TCHHL1: variants seen among roughly 807,000 people sequenced by gnomAD.
The protein encoded by TCHHL1 is trichohyalin-like protein 1.
Under a neutral mutation model 3.5 loss-of-function variants are expected in TCHHL1, and 1 was observed. The ratio of observed to expected loss-of-function variants is 0.29; its 90% CI spans 0.10 to 1.36. The LOEUF (loss-of-function observed/expected upper bound fraction) is 1.36. Ranked by LOEUF, TCHHL1 falls within the 40% of genes most tolerant of loss-of-function variation. The pLI is 0.43. For synonymous variants in TCHHL1, 405 were observed against 375.3 expected (o/e 1.08, Z -0.92); for missense variants, 1,027 against 1,032.8 (o/e 0.99, Z 0.08).
At position 152,085,419 on chromosome 1, in the gene TCHHL1, C is replaced by T. The variant is rs1370464477; in HGVS notation, c.2263G>A (p.Ala755Thr). ...EEEDESPQELAGEGGDQKSPA... is the reference protein window; with the variant it reads ...EEEDESPQELTGEGGDQKSPA... ...CTTTTTTGGTCACCACCTTCTCCTG[C>T]CAGCTCTTGGGGACTTTCATCTTCC... The change falls in exon 3 of 3, where the codon GCA becomes ACA. Residue 755 changes from alanine to threonine, a missense_variant. Ala to Thr is a moderately conservative substitution (Grantham distance 58). This residue lies in a region of TCHHL1 where 673 missense variants were observed against 658.6 expected (regional missense o/e 1.02). Transcript: ENST00000368806. The T allele has an allele frequency of 6.2e-7, 1 of 1,614,198 alleles. No individual in the cohort carries two copies. The highest frequency in any genetic ancestry group is 2.2e-5 in the East Asian group (1 of 44,874).
intron 1 of TCHHL1, 42 bp downstream of exon 1, chr1:152,088,978 C>T (rs1213820350): frequency 3.3e-5 from 5 of 152,070 alleles, no homozygotes; most frequent in Non-Finnish European, 5.9e-5. Flanking sequence ...ATAAGCAAAA[C>T]AGCAACTGAA....
chr1:152,085,757 C>A lies in TCHHL1; in HGVS notation c.1925G>T (p.Gly642Val), dbSNP rs1335432440. ...ATTGGGCTCCACAGCTGCACCTGGG[C>A]CTTTGGTCCCTGGGCCTTGATTCTT... ...EHKNQGPGTK[G>V]PGAAVEPNGH... The change falls in exon 3 of 3, where the codon GGC (glycine) becomes GTC (valine). Residue 642 changes from glycine to valine, a missense_variant. Physicochemically the swap from Gly to Val is moderately radical, Grantham distance 109 (BLOSUM62 -3). Around this residue, in one of 3 missense-constraint regions of TCHHL1, gnomAD observed 673 missense variants for 658.6 expected, o/e 1.02. Transcript: ENST00000368806. The A allele has an allele frequency of 6.2e-7, 1 of 1,614,164 alleles. No homozygotes were observed. Among genetic ancestry groups the A allele is most frequent in the East Asian group, 2.2e-5 (1 of 44,886 alleles).
At position 152,087,416 on chromosome 1, in the gene TCHHL1, T is replaced by C; in HGVS notation, c.266A>G (p.Lys89Arg). 6.2e-7 allele frequency: 1 copy of C among 1,612,092 alleles called. No individual in the cohort carries two copies. ...NLLNLCYLDI[K>R]SLLSSELRQV... ...TCTTAGTTCAGAACTTAGTAATGAT[T>C]TTATGTCAAGATAACAGAGGTTCAA... is the stretch of plus-strand genomic sequence containing the variant. Residue 89 changes from lysine (K) to arginine (R), a missense_variant, in exon 3 of 3, where the codon AAA becomes AGA. Lys to Arg is a conservative substitution (Grantham distance 26). This residue lies in a region of TCHHL1 where 338 missense variants were observed against 335.9 expected (regional missense o/e 1.01). Coordinates refer to ENST00000368806, the MANE Select transcript of TCHHL1 (RefSeq NM_001008536.2).
rs192816912 is a variant in TCHHL1 at position 152,088,435 on chromosome 1, C to A, written c.-20-272G>T. 7.1e-4 allele frequency among the ~76,000 whole-genome samples: 108 copies of A among 152,234 alleles called. 1 individual carries two copies. The highest frequency in any genetic ancestry group is 2.2e-3 in the Admixed American group (33 of 15,292). ...CATGTGCTCAGAGAAAGCTTCATTG[C>A]AAAAGGAAGGTGATAAGAGAACTCA... On this transcript the variant is annotated intron_variant, in intron 1 of 2. Coordinates refer to ENST00000368806, the MANE Select transcript of TCHHL1 (RefSeq NM_001008536.2).
Position 152,086,237 on chromosome 1 carries a change from T to C in TCHHL1, c.1445A>G (p.Asn482Ser), listed in dbSNP as rs1480954939. 6 of 1,614,124 alleles carry C rather than the reference T, an allele frequency of 3.7e-6. No homozygotes were observed. Among genetic ancestry groups the C allele is most frequent in the Middle Eastern group, 1.6e-4 (1 of 6,084 alleles). The change falls in exon 3 of 3, where the codon AAC becomes AGC. Residue 482 changes from asparagine to serine, a missense_variant. Asn to Ser is a conservative substitution (Grantham distance 46). Coordinates refer to ENST00000368806, the MANE Select transcript of TCHHL1 (RefSeq NM_001008536.2). ...TTCTGCTGCAGGTGCGTTTTTGCTG[T>C]TCACAAATGCTTCTGCTGTGCCTTC... ...TKEGTAEAFV[N>S]SKNAPAAERT...
rs376757659 is a variant in TCHHL1 at position 152,086,652 on chromosome 1, G to T, written c.1030C>A (p.Pro344Thr). ...TCACCCAAATTCTTTGTTTTAGCTG[G>T]TGTCTGGTCAGCATCCTTTCCTGGT... is the stretch of plus-strand genomic sequence containing the variant. ...QEPGKDADQTPAKTKNLGEPE... is the reference protein window; with the variant it reads ...QEPGKDADQTTAKTKNLGEPE... The change falls in exon 3 of 3, where the codon CCA becomes ACA. Residue 344 changes from proline to threonine, a missense_variant. Physicochemically the swap from Pro to Thr is conservative, Grantham distance 38 (BLOSUM62 -1). This residue lies in a region of TCHHL1 where 673 missense variants were observed against 658.6 expected (regional missense o/e 1.02). Coordinates refer to ENST00000368806, the MANE Select transcript of TCHHL1 (RefSeq NM_001008536.2). 3.1e-6 allele frequency: 5 copies of T among 1,614,122 alleles called. No homozygotes were observed. Among genetic ancestry groups the T allele is most frequent in the Non-Finnish European group, 4.2e-6 (5 of 1,180,032 alleles).
Position 152,086,815 on chromosome 1 carries a change from T to C in TCHHL1, c.867A>G (p.Gln289=), listed in dbSNP as rs774927198. 6.2e-7 allele frequency: 1 copy of C among 1,614,168 alleles called. No individual in the cohort carries two copies. The highest frequency in any genetic ancestry group is 1.1e-5 in the South Asian group (1 of 91,076). The change falls in exon 3 of 3, where the codon CAA becomes CAG. Residue 289 remains glutamine (Q), a synonymous_variant. Transcript: ENST00000368806. ...RTEKEKHSNI[Q]EPPLQREDEP... ...CATCTTCTCTTTGTAGGGGTGGTTC[T>C]TGTATATTAGAGTGTTTTTCCTTTT... is the stretch of plus-strand genomic sequence containing the variant.
chr1:152,086,430 C>T lies in TCHHL1; in HGVS notation c.1252G>A (p.Glu418Lys). The change falls in exon 3 of 3, where the codon GAA (glutamate) becomes AAA (lysine). Residue 418 changes from glutamate (E) to lysine (K), a missense_variant. Glu to Lys is a moderately conservative substitution (Grantham distance 56, BLOSUM62 1). This residue lies in a region of TCHHL1 where 673 missense variants were observed against 658.6 expected (regional missense o/e 1.02). Coordinates refer to ENST00000368806, the MANE Select transcript of TCHHL1 (RefSeq NM_001008536.2). ...RDRKTRPLVL[E>K]TQTQDGKYQE... ...TACTTCCCATCCTGTGTTTGGGTTT[C>T]CAGGACTAGTGGCCGAGTTTTTCTG... The T allele has an allele frequency of 6.2e-7, 1 of 1,614,098 alleles. No homozygotes were observed. Among genetic ancestry groups the T allele is most frequent in the Non-Finnish European group, 8.5e-7 (1 of 1,180,026 alleles).
In TCHHL1 at chr1:152,085,167, G is replaced by A. The variant is rs771446899; in HGVS notation, c.2515C>T (p.Leu839Phe). 1 of 1,614,170 alleles carries A rather than the reference G, an allele frequency of 6.2e-7. No individual in the cohort carries two copies. The highest frequency in any genetic ancestry group is 1.1e-5 in the South Asian group (1 of 91,076). Reference protein sequence around the residue: ...ASGPELCSVSLTSEISDCSVF... With the variant: ...ASGPELCSVSFTSEISDCSVF... ...GAACAATCTGAGATCTCACTGGTGAGGGATACACTGCAAAGCTCTGGGCCT... is the reference window on the plus strand; with the variant it reads ...GAACAATCTGAGATCTCACTGGTGAAGGATACACTGCAAAGCTCTGGGCCT... The change falls in exon 3 of 3, where the codon CTC becomes TTC. Residue 839 changes from leucine (L) to phenylalanine (F), a missense_variant. This residue lies in a region of TCHHL1 where 673 missense variants were observed against 658.6 expected (regional missense o/e 1.02). Transcript: ENST00000368806.
Position 152,085,159 on chromosome 1 carries a change from A to C in TCHHL1, c.2523T>G (p.Ser841Arg). Residue 841 changes from serine (S) to arginine (R), a missense_variant, in exon 3 of 3, where the codon AGT becomes AGG. Physicochemically the swap from Ser to Arg is moderately radical, Grantham distance 110. Transcript: ENST00000368806. ...AAAAGACAGAACAATCTGAGATCTC[A>C]CTGGTGAGGGATACACTGCAAAGCT... is the stretch of plus-strand genomic sequence containing the variant. ...GPELCSVSLT[S>R]EISDCSVFFN... is the part of the protein sequence containing the mutation. 6.2e-7 allele frequency: 1 copy of C among 1,614,152 alleles called. No individual in the cohort carries two copies. The highest frequency in any genetic ancestry group is 8.5e-7 in the Non-Finnish European group (1 of 1,180,018).
In TCHHL1 at chr1:152,085,536, C is replaced by T; in HGVS notation, c.2146G>A (p.Ala716Thr). The T allele has an allele frequency of 6.2e-7, 1 of 1,614,086 alleles. No homozygotes were observed. Among genetic ancestry groups the T allele is most frequent in the Non-Finnish European group, 8.5e-7 (1 of 1,179,954 alleles). The change falls in exon 3 of 3, where the codon GCC becomes ACC. Residue 716 changes from alanine to threonine, a missense_variant. By Grantham distance (58) the Ala-to-Thr change is moderately conservative. This residue lies in a region of TCHHL1 where 673 missense variants were observed against 658.6 expected (regional missense o/e 1.02). Coordinates refer to ENST00000368806, the MANE Select transcript of TCHHL1 (RefSeq NM_001008536.2). Reference protein sequence around the residue: ...SKEEKGRATEAQNTLLESLDE... With the variant: ...SKEEKGRATETQNTLLESLDE... Reference sequence around the variant, plus strand: ...AGACTTTCTAACAGAGTATTCTGGGCCTCTGTTGCTCTTCCTTTCTCTTCT... The same window carrying T: ...AGACTTTCTAACAGAGTATTCTGGGTCTCTGTTGCTCTTCCTTTCTCTTCT...
rs1234528115 is a variant in TCHHL1 at position 152,085,626 on chromosome 1, G to A, written c.2056C>T (p.Leu686=). 3.5e-5 allele frequency: 56 copies of A among 1,614,046 alleles called. No individual in the cohort carries two copies. The highest frequency in any genetic ancestry group is 4.5e-5 in the Non-Finnish European group (53 of 1,180,044). The stretch of plus-strand genomic sequence containing the variant: ...TCTCCCTTTCCAGGGAGCTGCATTA[G>A]GGAAAGCTGGTCAGTGAAGTCTTCA... The part of the protein sequence containing the change: ...LDEDFTDQLS[L]MQLPGKGDSR... Residue 686 remains leucine (L), a synonymous_variant, in exon 3 of 3, where the codon CTA becomes TTA. Transcript: ENST00000368806.
rs577434266 is a variant in TCHHL1 at position 152,084,948 on chromosome 1, A to C, written c.*19T>G. On this transcript the variant is annotated 3_prime_UTR_variant, in exon 3 of 3. Coordinates refer to ENST00000368806, the MANE Select transcript of TCHHL1 (RefSeq NM_001008536.2). The stretch of plus-strand genomic sequence containing the variant: ...GGTGATTGGGAGAGAAATTGGGGGC[A>C]TGTTGAGATGATAATGATTCATTGC... The C allele has an allele frequency of 1.1e-5, 17 of 1,602,412 alleles. No individual in the cohort carries two copies. Among genetic ancestry groups the C allele is most frequent in the Non-Finnish European group, 1.4e-5 (16 of 1,173,414 alleles).
Position 152,086,985 on chromosome 1 carries a change from G to T in TCHHL1, c.697C>A (p.Gln233Lys), listed in dbSNP as rs74129507. 2,415 of 1,613,884 alleles carry T rather than the reference G, an allele frequency of 1.5e-3. 31 individuals are homozygous for T. In the African/African-American group the frequency reaches 0.025, roughly 16 times the overall value. ...TCTCTGGCTGGTTCATCTCCTTCCT[G>T]GGAGATCTCCTTATCTTGTCCCTTC... is the stretch of plus-strand genomic sequence containing the variant. ...ERKGQDKEIS[Q>K]EGDEPAREQS... Residue 233 changes from glutamine (Q) to lysine (K), a missense_variant, in exon 3 of 3, where the codon CAG becomes AAG. Gln to Lys is a moderately conservative substitution (Grantham distance 53, BLOSUM62 1). This residue lies in a region of TCHHL1 where 338 missense variants were observed against 335.9 expected (regional missense o/e 1.01). Coordinates refer to ENST00000368806, the MANE Select transcript of TCHHL1 (RefSeq NM_001008536.2).
rs200870576 is a variant in TCHHL1, at chr1:152,084,992, C to T, written c.2690G>A (p.Arg897Lys). ...TCATTGCTTTGTGGTGCTTGCCTCCCTTTGTAGTACCAGCCTCTCTCTCTG... is the reference window on the plus strand; with the variant it reads ...TCATTGCTTTGTGGTGCTTGCCTCCTTTTGTAGTACCAGCCTCTCTCTCTG... Reference protein sequence around the residue: ...HPQRERLVLQREASTTKQ With the variant: ...HPQRERLVLQKEASTTKQ The change falls in exon 3 of 3, where the codon AGG becomes AAG. Residue 897 changes from arginine to lysine, a missense_variant. Coordinates refer to ENST00000368806, the MANE Select transcript of TCHHL1 (RefSeq NM_001008536.2). 1.3e-5 allele frequency: 21 copies of T among 1,613,604 alleles called. No homozygotes were observed. The highest frequency in any genetic ancestry group is 2.7e-5 in the African/African-American group (2 of 75,008).
rs1657720030 is a variant in TCHHL1 at position 152,086,204 on chromosome 1, A to C, written c.1478T>G (p.Leu493Arg). 1 of 1,613,920 alleles carries C rather than the reference A, an allele frequency of 6.2e-7. No homozygotes were observed. The highest frequency in any genetic ancestry group is 1.7e-5 in the Admixed American group (1 of 60,000). Residue 493 changes from leucine (L) to arginine (R), a missense_variant, in exon 3 of 3, where the codon CTG (leucine) becomes CGG (arginine). Leu to Arg is a moderately radical substitution (Grantham distance 102). This residue lies in a region of TCHHL1 where 673 missense variants were observed against 658.6 expected (regional missense o/e 1.02). Transcript: ENST00000368806. ...ATCTTGTGTTCTTTCTCTTGCCCCC[A>C]GTGTCCTTTCTGCTGCAGGTGCGTT... ...SKNAPAAERT[L>R]GARERTQDLA...
Position 152,086,883 on chromosome 1 carries a change from C to A in TCHHL1, c.799G>T (p.Glu267Ter), listed in dbSNP as rs1197627834. Residue 267 changes from glutamate (E) to a stop codon, truncating the protein, a stop_gained, in exon 3 of 3, where the codon GAA becomes TAA. Transcript: ENST00000368806. LOFTEE classifies it low-confidence loss of function (END_TRUNC). ...NLATQSSPPK[E>*]ATQRPCEDQE... Reference sequence around the variant, plus strand: ...TCTTCACATGGTCTTTGTGTTGCTTCTTTTGGTGGTGAACTTTGGGTTGCC... The same window carrying A: ...TCTTCACATGGTCTTTGTGTTGCTTATTTTGGTGGTGAACTTTGGGTTGCC... 1 of 1,614,134 alleles carries A rather than the reference C, an allele frequency of 6.2e-7. No homozygotes were observed. Among genetic ancestry groups the A allele is most frequent in the Non-Finnish European group, 8.5e-7 (1 of 1,180,028 alleles).
chr1:152,085,064 T>G lies in TCHHL1; in HGVS notation c.2618A>C (p.Gln873Pro). 1 of 1,614,064 alleles carries G rather than the reference T, an allele frequency of 6.2e-7. No individual in the cohort carries two copies. Among genetic ancestry groups the G allele is most frequent in the Non-Finnish European group, 8.5e-7 (1 of 1,179,986 alleles). ...LPLDESPAGA[Q>P]ETPAPQALED... ...CAAGGCCTGGGGAGCTGGTGTTTCC[T>G]GTGCACCAGCAGGACTCTCATCAAG... The change falls in exon 3 of 3, where the codon CAG becomes CCG. Residue 873 changes from glutamine to proline, a missense_variant. Gln to Pro is a moderately conservative substitution (Grantham distance 76). Transcript: ENST00000368806.
Position 152,085,339 on chromosome 1 carries a change from C to T in TCHHL1, c.2343G>A (p.Gln781=), listed in dbSNP as rs765730857. ...SSVPWSSLEK[Q]MQRDQEPCSV... is the part of the protein sequence containing the mutation. ...AACAGGGCTCTTGGTCTCTCTGCAT[C>T]TGCTTTTCAAGACTTGACCAGGGGA... Residue 781 remains glutamine, a synonymous_variant, in exon 3 of 3, where the codon CAG becomes CAA. Coordinates refer to ENST00000368806, the MANE Select transcript of TCHHL1 (RefSeq NM_001008536.2). 6.2e-7 allele frequency: 1 copy of T among 1,614,088 alleles called. No homozygotes were observed. Among genetic ancestry groups the T allele is most frequent in the Non-Finnish European group, 8.5e-7 (1 of 1,180,046 alleles).
Sources: allele counts gnomAD v4.1 joint callset (sites outside exome capture counted in the v4.1 genomes callset), GRCh38; gene constraint gnomAD v4.1.1; regional missense constraint gnomAD v4.1.1; transcripts MANE v1.5; gene names NCBI Gene and HGNC (gene_info 2026-07-23, HGNC 2026-07-21).